Variants in NRAP observed in about 807,000 individuals in gnomAD.
NRAP encodes nebulin-related-anchoring protein.
A neutral mutation model predicts 225.9 loss-of-function variants in NRAP; 189 were observed. The observed-to-expected ratio is 0.84, with a 90% CI of 0.74 to 0.94. NRAP has a LOEUF of 0.94. Ranked by LOEUF, NRAP falls within the 40% of genes least tolerant of loss-of-function variation. The pLI, the probability that NRAP is intolerant of heterozygous loss-of-function variation, is 0.00. For missense variants in NRAP, 2,176 were observed against 2,168.7 expected, an observed-to-expected ratio of 1.00 and a Z score of -0.07; for synonymous variants, 769 against 790.7, an observed-to-expected ratio of 0.97 and a Z score of 0.46.
intron 25 of NRAP, 45 bp downstream of exon 25, chr10:113,620,559 C>T (rs367942998): frequency 1.4e-5 from 17 of 1,198,494 alleles, no homozygotes; most frequent in Admixed American, 3.4e-5. Context: ...AGACGCCGCA[C>T]GCCTAATGCA....
At chr10:113,621,786 G>T in intron 24 of NRAP, 83 bp downstream of exon 24, 2 of 1,329,954 alleles carry the variant, frequency 1.5e-6, no homozygotes, top group Non-Finnish European at 2.1e-6. Context: ...TTGTTGCACT[G>T]AATGGCTTAG....
chr10:113,604,944 A>G (rs749480720), intron 34 of NRAP, 24 bp from the exon 35 acceptor site: 5 of 1,598,154 alleles, frequency 3.1e-6, no homozygotes, highest in Non-Finnish European at 4.3e-6. Context: ...CTGGCCGGTC[A>G]AATTCTATCT....
rs150551078 is a variant in NRAP, at chr10:113,589,076, C to A, written c.5092G>T (p.Gly1698Trp). 1.2e-6 allele frequency: 2 copies of A among 1,613,578 alleles called. No individual in the cohort carries two copies. Among genetic ancestry groups the A allele is most frequent in the Non-Finnish European group, 1.7e-6 (2 of 1,179,752 alleles). ...TCTCCAGCCTCCACTGCTTCTGCCCCCCGCTGCTGAAATCAAACATACCCC... is the reference window on the plus strand; with the variant it reads ...TCTCCAGCCTCCACTGCTTCTGCCCACCGCTGCTGAAATCAAACATACCCC... ...RGLGLQGAYRGAEAVEAGDHQ... is the reference protein window; with the variant it reads ...RGLGLQGAYRWAEAVEAGDHQ... The change falls in exon 42 of 42, where the codon GGG (glycine) becomes TGG (tryptophan). Residue 1698 changes from glycine (G) to tryptophan (W), a missense_variant. Coordinates refer to ENST00000359988, the MANE Select transcript of NRAP (RefSeq NM_198060.4).
At chr10:113,618,146 A>G (rs1401184691) in intron 25 of NRAP, among the ~76,000 whole-genome samples, 1 of 145,960 alleles carries the variant, frequency 6.9e-6, no homozygotes, top group Non-Finnish European at 1.5e-5. Flanking sequence ...AAGACACTGA[A>G]GCAAAAAAAA....
At chr10:113,609,572 C>A (rs1453958374) in intron 31 of NRAP, among the ~76,000 whole-genome samples, 1 of 152,130 alleles carries the variant, frequency 6.6e-6, no homozygotes, top group Non-Finnish European at 1.5e-5. Context: ...TTATTTTTAC[C>A]AAGAAATTAT....
intron 14 of NRAP, among the ~76,000 whole-genome samples, chr10:113,637,348 T>G (rs567364388): frequency 6.6e-6 from 1 of 152,296 alleles, no homozygotes; most frequent in African/African-American, 2.4e-5. Context: ...GCAGTAAGTA[T>G]CAGAGCTATG....
At chr10:113,590,349 C>T (rs1229707319) in intron 40 of NRAP, among the ~76,000 whole-genome samples, 1 of 152,160 alleles carries the variant, frequency 6.6e-6, no homozygotes, top group African/African-American at 2.4e-5. Context: ...GCATAAGTGC[C>T]AATGGCAGGA....
rs60015356 is a variant in NRAP, at chr10:113,644,147, C to CA, written c.1111-1110dup. On this transcript the variant is annotated intron_variant, in intron 11 of 41. Coordinates refer to ENST00000359988, the MANE Select transcript of NRAP (RefSeq NM_198060.4). ...GGCCAACAAGAGTGAAACTCCCTCT[C>CA]AAAAAAAAAAAAAAAAAAAAAAGGC... 2.1e-3 allele frequency among the ~76,000 whole-genome samples: 100 copies of CA among 47,954 alleles called. 2 individuals are homozygous for CA. The highest frequency in any genetic ancestry group is 4.8e-3 in the African/African-American group (63 of 13,098). The allele number at this position is 47,954 out of a possible 152,430, so 31.5% of individuals were successfully genotyped here.
In NRAP at chr10:113,620,111, C is replaced by A. The variant is rs533276487; in HGVS notation, c.2874+493G>T. 2.6e-5 allele frequency among the ~76,000 whole-genome samples: 4 copies of A among 152,262 alleles called. No individual in the cohort carries two copies. The South Asian group carries it at 6.2e-4, about 24-fold the overall frequency. On this transcript the variant is annotated intron_variant, in intron 25 of 41. Transcript: ENST00000359988. ...TTCGCAAGCAGTGGTGCTGTAGGGT[C>A]CAGCCAAGGTGGCTATAAGTAGGCA...
rs1382181407 is a variant in NRAP at position 113,648,477 on chromosome 10, A to C, written c.889-1450T>G. Among the ~76,000 whole-genome samples the C allele has an allele frequency of 2.7e-3, 317 of 115,774 alleles. 2 individuals carry two copies. The highest frequency in any genetic ancestry group is 8.5e-3 in the African/African-American group (297 of 35,030). 76.0% of individuals were successfully genotyped at this position (115,774 alleles called of 152,430 possible). ...TCTCTCTCTCTCTCTCTATATATAT[A>C]TATATATATATATGTTGTAAGTGTT... is the stretch of plus-strand genomic sequence containing the variant. On this transcript the variant is annotated intron_variant, in intron 9 of 41. Coordinates refer to ENST00000359988, the MANE Select transcript of NRAP (RefSeq NM_198060.4).
chr10:113,608,403 G>A lies in NRAP; in HGVS notation c.3702+11C>T, dbSNP rs775920398. ...TAAAAAGACCATTCCAAAGCCATCAGGAGATTTTACCTCATTCGTTATCTG... is the reference window on the plus strand; with the variant it reads ...TAAAAAGACCATTCCAAAGCCATCAAGAGATTTTACCTCATTCGTTATCTG... On this transcript the variant is annotated intron_variant, in intron 32 of 41. Transcript: ENST00000359988. 3 of 1,555,240 alleles carry A rather than the reference G, an allele frequency of 1.9e-6. No individual in the cohort carries two copies. The highest frequency in any genetic ancestry group is 1.8e-6 in the Non-Finnish European group (2 of 1,128,460).
At chr10:113,627,364 A>G (rs1848344178) in intron 20 of NRAP, among the ~76,000 whole-genome samples, 1 of 152,240 alleles carries the variant, frequency 6.6e-6, no homozygotes, top group Non-Finnish European at 1.5e-5. Flanking sequence ...AACATAAAAA[A>G]GGTGAAGGAA....
In NRAP at chr10:113,621,898, C is replaced by A; in HGVS notation, c.2740G>T (p.Ala914Ser). The change falls in exon 24 of 42, where the codon GCC becomes TCC. Residue 914 changes from alanine (A) to serine (S), a missense_variant. Ala to Ser is a moderately conservative substitution (Grantham distance 99). This residue lies in a region of NRAP where 1,708 missense variants were observed against 1,695.5 expected (regional missense o/e 1.01). Transcript: ENST00000359988. ...ALPTDMKVEW[A>S]KKAYGLQSDN... ...CTCTGTAAGCCATAAGCCTTCTTGGCCCATTCCACCTTCATGTCTGTGGGC... is the reference window on the plus strand; with the variant it reads ...CTCTGTAAGCCATAAGCCTTCTTGGACCATTCCACCTTCATGTCTGTGGGC... 13 of 1,613,122 alleles carry A rather than the reference C, an allele frequency of 8.1e-6. No individual in the cohort carries two copies. The highest frequency in any genetic ancestry group is 1.1e-5 in the Non-Finnish European group (13 of 1,179,182).
intron 32 of NRAP, 136 bp downstream of exon 32, chr10:113,608,278 A>G: frequency 1.6e-6 from 1 of 607,888 alleles, no homozygotes; most frequent in Non-Finnish European, 2.9e-6. Context: ...TTTAGGTTCC[A>G]TATAATGACA....
chr10:113,595,853 C>T, intron 37 of NRAP, 126 bp from the exon 38 acceptor site: 2 of 596,196 alleles, frequency 3.4e-6, no homozygotes, highest in South Asian at 4.8e-5. Flanking sequence ...GAACCCAGTC[C>T]TGCCCATGGA....
rs147201284 is a variant in NRAP, at chr10:113,663,999, G to T, written c.-117C>A. On this transcript the variant is annotated 5_prime_UTR_variant, in exon 1 of 42. Transcript: ENST00000359988. ...ACCATAAAATTCCTGTGGGCACCTCGATCTTTCAGAATCCAACTTCCACTT... is the reference window on the plus strand; with the variant it reads ...ACCATAAAATTCCTGTGGGCACCTCTATCTTTCAGAATCCAACTTCCACTT... 85 of 731,422 alleles carry T rather than the reference G, an allele frequency of 1.2e-4. No individual in the cohort carries two copies. In the East Asian group the frequency reaches 1.9e-3, roughly 16 times the overall value. The allele number at this position is 731,422 out of a possible 1,614,324, so 45.3% of individuals were successfully genotyped here.
At chr10:113,623,740 G>C in intron 22 of NRAP, 104 bp from the exon 23 acceptor site, 1 of 733,076 alleles carries the variant, frequency 1.4e-6, no homozygotes, top group South Asian at 1.9e-5. Context: ...AAGCAATACT[G>C]ATTATTACGT....
intron 21 of NRAP, 81 bp downstream of exon 21, chr10:113,625,966 G>A: frequency 1.1e-6 from 1 of 880,892 alleles, no homozygotes; most frequent in South Asian, 1.8e-5. Flanking sequence ...TTGTGCCTGG[G>A]CGGCACCTGC....
intron 37 of NRAP, 72 bp downstream of exon 37, chr10:113,597,014 G>A: frequency 1.0e-6 from 1 of 1,004,624 alleles, no homozygotes; most frequent in Non-Finnish European, 1.6e-6. Context: ...CAGAGCCTGT[G>A]TTCTTAGACC....
Sources: allele counts gnomAD v4.1 joint callset (sites outside exome capture counted in the v4.1 genomes callset), GRCh38; gene constraint gnomAD v4.1.1; regional missense constraint gnomAD v4.1.1; transcripts MANE v1.5; gene names NCBI Gene and HGNC (gene_info 2026-07-23, HGNC 2026-07-21).